GATAD2B: variants seen among roughly 807,000 people sequenced by gnomAD.
The protein encoded by GATAD2B is transcriptional repressor p66-beta.
A neutral mutation model predicts 64.3 loss-of-function variants in GATAD2B; 8 were observed. The observed-to-expected ratio is 0.12, with a 90% CI of 0.07 to 0.22. The LOEUF is 0.22. Ranked by LOEUF, GATAD2B falls within the 10% of genes least tolerant of loss-of-function variation. The probability of loss-of-function intolerance (pLI) is 1.00; values close to 1 mark genes in which losing one functional copy is unlikely to be tolerated. For missense variants in GATAD2B, 453 were observed against 752.0 expected (o/e 0.60, Z 4.65); for synonymous variants, 281 against 271.3 (o/e 1.04, Z -0.35).
chr1:153,830,618 G>T (rs1248330983), intron 1 of GATAD2B, among the ~76,000 whole-genome samples: 1 of 148,976 alleles, frequency 6.7e-6, no homozygotes, highest in Admixed American at 6.7e-5. Flanking sequence ...TGGGACTACA[G>T]GCGCCCGCCA....
chr1:153,817,372 C>T lies in GATAD2B; in HGVS notation c.900G>A (p.Pro300=), dbSNP rs376882053. The T allele has an allele frequency of 1.4e-5, 22 of 1,558,024 alleles. No individual in the cohort carries two copies. Among genetic ancestry groups the T allele is most frequent in the African/African-American group, 4.1e-5 (3 of 73,024 alleles). ...ACATTAGGGCTCAGCTCTCTCTTAC[C>T]GGTTGATAATTGATGGCGGGATTCA... The part of the protein sequence containing the change: ...PNMNPAINYQ[P]QSSSSVPCQR... Residue 300 remains proline, a splice_region_variant and synonymous_variant, in exon 6 of 11, where the codon CCG becomes CCA. Transcript: ENST00000368655.
intron 1 of GATAD2B, chr1:153,886,349 T>A (rs1218785439): frequency 6.6e-6 from 1 of 152,130 alleles, no homozygotes; most frequent in Admixed American, 6.6e-5. Flanking sequence ...TACTGGCAAT[T>A]ATAACACAAT....
At chr1:153,810,379 C>T (rs1674253008) in intron 10 of GATAD2B, 69 bp from the exon 11 acceptor site, 2 of 1,517,818 alleles carry the variant, frequency 1.3e-6, no homozygotes, top group Non-Finnish European at 1.8e-6. Flanking sequence ...CCACTCTACC[C>T]TCGGGCTGCA....
chr1:153,885,126 T>C (rs1677139570), intron 1 of GATAD2B, among the ~76,000 whole-genome samples: 1 of 152,102 alleles, frequency 6.6e-6, no homozygotes, highest in Non-Finnish European at 1.5e-5. Context: ...AAGTCACTCA[T>C]ACAGCTCACA....
intron 2 of GATAD2B, among the ~76,000 whole-genome samples, chr1:153,822,984 T>C (rs1570933548): frequency 6.6e-6 from 1 of 152,000 alleles, no homozygotes; most frequent in Non-Finnish European, 1.5e-5. Context: ...GGGGTCTCCT[T>C]ATGTTACTAA....
At chr1:153,856,792 T>C (rs1047996921) in intron 1 of GATAD2B, among the ~76,000 whole-genome samples, 1 of 152,024 alleles carries the variant, frequency 6.6e-6, no homozygotes, top group African/African-American at 2.4e-5. Flanking sequence ...AAAGAATGCC[T>C]TTAACTTGAC....
intron 1 of GATAD2B, among the ~76,000 whole-genome samples, chr1:153,833,312 T>C (rs1484866982): frequency 6.6e-6 from 1 of 152,226 alleles, no homozygotes; most frequent in Non-Finnish European, 1.5e-5. Flanking sequence ...GTTTACAGTA[T>C]GGTTTACTGA....
At chr1:153,860,654 T>A (rs1041029067) in intron 1 of GATAD2B, among the ~76,000 whole-genome samples, 2 of 151,656 alleles carry the variant, frequency 1.3e-5, no homozygotes, top group African/African-American at 4.8e-5. Flanking sequence ...CATTTTCTTA[T>A]CTACTTAAAA....
At chr1:153,826,881 CAAT>C (rs1326226648) in intron 2 of GATAD2B, among the ~76,000 whole-genome samples, 1 of 147,732 alleles carries the variant, frequency 6.8e-6, no homozygotes, top group Non-Finnish European at 1.5e-5. Context: ...TTGGTGGTTA[CAAT>C]GAGCTATGAT....
Position 153,816,635 on chromosome 1 carries a change from G to T in GATAD2B, c.901-47C>A. 1 of 1,313,856 alleles carries T rather than the reference G, an allele frequency of 7.6e-7. No individual in the cohort carries two copies. The highest frequency in any genetic ancestry group is 1.1e-6 in the Non-Finnish European group (1 of 921,966). 81.4% of individuals were successfully genotyped at this position (1,313,856 alleles called of 1,614,324 possible). A position where few individuals can be genotyped will look rare whatever the true frequency, so the allele number is the denominator to read the frequency against. On this transcript the variant is annotated intron_variant, in intron 6 of 10. Transcript: ENST00000368655. The surrounding 1 kb of genome is among the most constrained non-coding windows in gnomAD (Gnocchi z 4.9). ...GTCAATCATGGTATGCAGGAGAAAG[G>T]GCCAATTCTTACGTTCTTGGCAGAG...
intron 1 of GATAD2B, among the ~76,000 whole-genome samples, chr1:153,889,435 A>AC (rs1677295084): frequency 6.7e-6 from 1 of 148,294 alleles, no homozygotes; most frequent in Non-Finnish European, 1.5e-5. Context: ...AAAAAAAAAA[A>AC]ACACACAAAA....
At chr1:153,814,390 A>G (rs1674387507) in intron 7 of GATAD2B, among the ~76,000 whole-genome samples, 1 of 152,222 alleles carries the variant, frequency 6.6e-6, no homozygotes, top group African/African-American at 2.4e-5. Context: ...TTAGTTATCT[A>G]TGTAAGTGTG....
rs184060537 is a variant in GATAD2B, at chr1:153,837,297, C to T, written c.-1-8949G>A. On this transcript the variant is annotated intron_variant, in intron 1 of 10. Transcript: ENST00000368655. ...TTGAGTGTCAGGAGTTGAAGACTAGCCTAGGCAACAGAGTAAGATGCCCTT... is the reference window on the plus strand; with the variant it reads ...TTGAGTGTCAGGAGTTGAAGACTAGTCTAGGCAACAGAGTAAGATGCCCTT... 1.3e-4 allele frequency among the ~76,000 whole-genome samples: 19 copies of T among 151,724 alleles called. No individual in the cohort carries two copies. In the East Asian group the frequency reaches 3.3e-3, roughly 26 times the overall value.
intron 1 of GATAD2B, among the ~76,000 whole-genome samples, chr1:153,885,478 T>A (rs988873594): frequency 6.6e-6 from 1 of 151,964 alleles, no homozygotes; most frequent in Non-Finnish European, 1.5e-5. Flanking sequence ...TCCTAGCACT[T>A]TGGGAGGCAG....
At chr1:153,887,817 T>C (rs1557823248) in intron 1 of GATAD2B, among the ~76,000 whole-genome samples, 1 of 152,108 alleles carries the variant, frequency 6.6e-6, no homozygotes, top group Non-Finnish European at 1.5e-5. Flanking sequence ...CTGGGTGTGG[T>C]GGTTCATGCC....
chr1:153,871,363 C>A (rs567323258), intron 1 of GATAD2B, among the ~76,000 whole-genome samples: 1 of 152,170 alleles, frequency 6.6e-6, no homozygotes, highest in African/African-American at 2.4e-5. Flanking sequence ...CCACACCCGG[C>A]CACTTGTTTT....
At chr1:153,859,079 G>A (rs1488212373) in intron 1 of GATAD2B, among the ~76,000 whole-genome samples, 1 of 152,026 alleles carries the variant, frequency 6.6e-6, no homozygotes, top group Non-Finnish European at 1.5e-5. Context: ...ACGGAGGGTG[G>A]TACTTTAAGA....
chr1:153,911,651 A>G (rs559851691), intron 1 of GATAD2B, among the ~76,000 whole-genome samples: 30 of 152,128 alleles, frequency 2.0e-4, no homozygotes, highest in African/African-American at 7.0e-4. Flanking sequence ...CAGGAGATTC[A>G]CTTGAACTCG....
chr1:153,844,863 GTAAC>G (rs1218379881), intron 1 of GATAD2B, among the ~76,000 whole-genome samples: 1 of 150,522 alleles, frequency 6.6e-6, no homozygotes, highest in Non-Finnish European at 1.5e-5. Flanking sequence ...GTATACATAT[GTAAC>G]TAACCTGCAC....
Sources: gnomAD v4.1 joint callset for allele counts (sites outside exome capture counted in the v4.1 genomes callset) on GRCh38, gnomAD v4.1.1 for gene constraint, Gnocchi (gnomAD v3.1) non-coding constraint, MANE v1.5 for transcripts, NCBI Gene and HGNC (gene_info 2026-07-23, HGNC 2026-07-21) for gene names.